TTBK2: variants seen among roughly 807,000 people sequenced by gnomAD.
The protein encoded by TTBK2 is tau tubulin kinase 2, also known as tau-tubulin kinase 2.
In TTBK2, 28 loss-of-function variants were observed where a neutral mutation model predicts 110.8. That is an observed-to-expected ratio of 0.25 (90% CI 0.19 to 0.35). The LOEUF (loss-of-function observed/expected upper bound fraction) is 0.35. Ranked by LOEUF, TTBK2 falls within the 10% of genes least tolerant of loss-of-function variation. TTBK2 has a pLI of 1.00. For synonymous variants in TTBK2, 532 were observed against 527.3 expected (o/e 1.01, Z -0.12); for missense variants, 1,369 against 1,500.3 (o/e 0.91, Z 1.45).
chr15:42,863,920 C>A (rs997368016), intron 3 of TTBK2, among the ~76,000 whole-genome samples: 1 of 152,136 alleles, frequency 6.6e-6, no homozygotes, highest in Non-Finnish European at 1.5e-5. Flanking sequence ...TCACCACATA[C>A]AAAAATTAAC....
chr15:42,850,952 G>A (rs574882660), intron 3 of TTBK2, among the ~76,000 whole-genome samples: 3 of 152,058 alleles, frequency 2.0e-5, no homozygotes, highest in South Asian at 2.1e-4. Flanking sequence ...ATGGCCAGGC[G>A]CGGTGGCTCA....
At chr15:42,795,158 A>G (rs1382286717) in intron 9 of TTBK2, among the ~76,000 whole-genome samples, 1 of 152,220 alleles carries the variant, frequency 6.6e-6, no homozygotes, top group African/African-American at 2.4e-5. Context: ...ACAAAACAAA[A>G]CAAGGACTTT....
intron 3 of TTBK2, chr15:42,871,660 GAAAAGGTCAGA>G: frequency 1.2e-6 from 1 of 864,406 alleles, no homozygotes. Flanking sequence ...GGAGAAAATA[GAAAAGGTCAGA>G]AAAAGAAAGA....
At position 42,745,314 on chromosome 15, in the gene TTBK2, A is replaced by T. The variant is rs1362682323; in HGVS notation, c.*481T>A. ...TAAACACACAAGCCAAATATACATGAATACTGGCTCCCTGGCAACAGACTT... is the reference window on the plus strand; with the variant it reads ...TAAACACACAAGCCAAATATACATGTATACTGGCTCCCTGGCAACAGACTT... On this transcript the variant is annotated 3_prime_UTR_variant, in exon 15 of 15. Coordinates refer to ENST00000267890, the MANE Select transcript of TTBK2 (RefSeq NM_173500.4). 5.4e-6 allele frequency: 1 copy of T among 186,910 alleles called. No individual in the cohort carries two copies. Among genetic ancestry groups the T allele is most frequent in the South Asian group, 1.0e-4 (1 of 9,524 alleles). 11.6% of individuals were successfully genotyped at this position (186,910 alleles called of 1,614,324 possible). A position where few individuals can be genotyped will look rare whatever the true frequency, so the allele number is the denominator to read the frequency against.
intron 3 of TTBK2, 26 bp from the exon 4 acceptor site, chr15:42,840,459 A>G (rs1893174574): frequency 3.2e-6 from 5 of 1,582,312 alleles, no homozygotes; most frequent in Non-Finnish European, 4.3e-6. Flanking sequence ...AAACAGTGGA[A>G]AAGAATATAC....
chr15:42,913,004 A>C (rs1324343625), intron 1 of TTBK2, among the ~76,000 whole-genome samples: 1 of 150,760 alleles, frequency 6.6e-6, no homozygotes, highest in East Asian at 2.0e-4. Flanking sequence ...GGGCGCCTGT[A>C]GTCCCAGCTA....
At chr15:42,750,781 A>G (rs2140580786) in intron 14 of TTBK2, among the ~76,000 whole-genome samples, 1 of 152,362 alleles carries the variant, frequency 6.6e-6, no homozygotes, top group East Asian at 1.9e-4. Flanking sequence ...AACTCGAAGT[A>G]GGATGAACTC....
At position 42,745,648 on chromosome 15, in the gene TTBK2, T is replaced by G; in HGVS notation, c.*147A>C. 2 of 973,472 alleles carry G rather than the reference T, an allele frequency of 2.1e-6. No individual in the cohort carries two copies. The highest frequency in any genetic ancestry group is 2.8e-5 in the South Asian group (2 of 72,106). The allele number at this position is 973,472 out of a possible 1,614,324, so 60.3% of individuals were successfully genotyped here. A position where few individuals can be genotyped will look rare whatever the true frequency, so the allele number is the denominator to read the frequency against. On this transcript the variant is annotated 3_prime_UTR_variant, in exon 15 of 15. Transcript: ENST00000267890. The stretch of plus-strand genomic sequence containing the variant: ...CCTTAGGTAATTCCTTATCATGTAT[T>G]ATGTCTTCTTATAAATAATTGATCA...
intron 1 of TTBK2, among the ~76,000 whole-genome samples, chr15:42,885,329 G>T (rs1321494312): frequency 6.6e-6 from 1 of 152,196 alleles, no homozygotes; most frequent in Non-Finnish European, 1.5e-5. Flanking sequence ...TTTAAATCGG[G>T]TAAGCAGCCC....
chr15:42,753,186 C>T lies in TTBK2; in HGVS notation c.2060G>A (p.Gly687Asp), dbSNP rs372443449. The T allele has an allele frequency of 5.0e-6, 8 of 1,611,076 alleles. No individual in the cohort carries two copies. The South Asian group carries it at 8.9e-5, about 18-fold the overall frequency. Reference protein sequence around the residue: ...TQSTSGSFHCGQQPEKKDLQP... With the variant: ...TQSTSGSFHCDQQPEKKDLQP... ...AAGATCTTTCTTCTCTGGCTGCTGACCACAGTGAAAGCTTCCTGAAGTTGA... is the reference window on the plus strand; with the variant it reads ...AAGATCTTTCTTCTCTGGCTGCTGATCACAGTGAAAGCTTCCTGAAGTTGA... The change falls in exon 14 of 15, where the codon GGT becomes GAT. Residue 687 changes from glycine to aspartate, a missense_variant. Gly to Asp is a moderately conservative substitution (Grantham distance 94). Coordinates refer to ENST00000267890, the MANE Select transcript of TTBK2 (RefSeq NM_173500.4).
intron 1 of TTBK2, among the ~76,000 whole-genome samples, chr15:42,886,006 G>A (rs1895229250): frequency 6.6e-6 from 1 of 152,142 alleles, no homozygotes; most frequent in Admixed American, 6.5e-5. Flanking sequence ...TGGGCAAATG[G>A]TCTGAGGTGC....
At chr15:42,793,014 C>T (rs1209194526) in intron 10 of TTBK2, among the ~76,000 whole-genome samples, 1 of 152,152 alleles carries the variant, frequency 6.6e-6, no homozygotes, top group Non-Finnish European at 1.5e-5. Flanking sequence ...AACACTAGAA[C>T]AAAATTTCTG....
chr15:42,811,867 C>T, intron 7 of TTBK2, 87 bp from the exon 8 acceptor site: 1 of 1,159,464 alleles, frequency 8.6e-7, no homozygotes, highest in South Asian at 1.4e-5. Context: ...TTTGTTTCAC[C>T]TTATTAGGCT....
chr15:42,819,247 T>C (rs561421249), intron 6 of TTBK2, among the ~76,000 whole-genome samples: 77 of 151,174 alleles, frequency 5.1e-4, no homozygotes, highest in Admixed American at 4.8e-3. Context: ...GGCGGGCAGA[T>C]CACAAGGTCA....
At chr15:42,913,033 G>C (rs1404720361) in intron 1 of TTBK2, among the ~76,000 whole-genome samples, 2 of 149,502 alleles carry the variant, frequency 1.3e-5, no homozygotes, top group African/African-American at 5.0e-5. Flanking sequence ...GCTGAGGCAG[G>C]AGAATGGCGT....
chr15:42,911,192 A>G (rs1434639579), intron 1 of TTBK2, among the ~76,000 whole-genome samples: 2 of 152,222 alleles, frequency 1.3e-5, no homozygotes, highest in Admixed American at 1.3e-4. Flanking sequence ...TATGATTTGT[A>G]GAAGACATCT....
At chr15:42,863,566 GA>G (rs573635566) in intron 3 of TTBK2, among the ~76,000 whole-genome samples, 4 of 150,892 alleles carry the variant, frequency 2.7e-5, no homozygotes, top group East Asian at 3.9e-4. Flanking sequence ...CACAGAATTA[GA>G]AAAAAAAATT....
At chr15:42,780,540 A>G (rs1275167462) in intron 11 of TTBK2, among the ~76,000 whole-genome samples, 5 of 152,080 alleles carry the variant, frequency 3.3e-5, no homozygotes. Flanking sequence ...CAGAATTAGA[A>G]TGTTTAAATC....
chr15:42,875,069 G>A (rs1894765264), intron 2 of TTBK2, among the ~76,000 whole-genome samples: 1 of 151,834 alleles, frequency 6.6e-6, no homozygotes, highest in Non-Finnish European at 1.5e-5. Context: ...CTCATAAACA[G>A]TACCAAACAG....
Sources: allele counts gnomAD v4.1 joint callset (sites outside exome capture counted in the v4.1 genomes callset), GRCh38; gene constraint gnomAD v4.1.1; transcripts MANE v1.5; gene names NCBI Gene and HGNC (gene_info 2026-07-23, HGNC 2026-07-21).